GGT7: variants seen among roughly 807,000 people sequenced by gnomAD.
GGT7 encodes glutathione hydrolase 7.
In GGT7, 30 loss-of-function variants were observed where a neutral mutation model predicts 69.2. The ratio of observed to expected loss-of-function variants is 0.43; its 90% CI spans 0.32 to 0.59. The LOEUF is 0.59. GGT7 is among the 20% of genes least tolerant of loss of function. GGT7 has a pLI of 0.05. For missense variants in GGT7, 733 were observed against 901.1 expected, an observed-to-expected ratio of 0.81 and a Z score of 2.39; for synonymous variants, 388 against 391.8, an observed-to-expected ratio of 0.99 and a Z score of 0.12.
intron 1 of GGT7, among the ~76,000 whole-genome samples, chr20:34,865,481 C>T (rs1601244703): frequency 1.3e-5 from 2 of 152,232 alleles, no homozygotes; most frequent in African/African-American, 2.4e-5. Context: ...TGAGCCACTG[C>T]GCCCGGCCTG....
chr20:34,855,883 C>T (rs540091392), intron 8 of GGT7, among the ~76,000 whole-genome samples: 1 of 151,722 alleles, frequency 6.6e-6, no homozygotes, highest in East Asian at 1.9e-4. Context: ...CAGCCTTGAC[C>T]TCCCAGGCTC....
Position 34,865,386 on chromosome 20 carries a change from C to T in GGT7, c.170-1838G>A, listed in dbSNP as rs532328027. Among the ~76,000 whole-genome samples, 84 of 152,036 alleles carry T rather than the reference C, an allele frequency of 5.5e-4. No homozygotes were observed. The South Asian group carries it at 0.017, about 31-fold the overall frequency. On this transcript the variant is annotated intron_variant, in intron 1 of 14. Coordinates refer to ENST00000336431, the MANE Select transcript of GGT7 (RefSeq NM_178026.3). ...TGTATTTTTTGTAGAGATGGGATTT[C>T]GCCATGTTGCCCAGGCTGGTCTCAA...
Position 34,845,115 on chromosome 20 carries a change from C to CCACCAT in GGT7, c.*212_*213insATGGTG, listed in dbSNP as rs1254528958. 6.9e-6 allele frequency: 2 copies of CCACCAT among 288,322 alleles called. No homozygotes were observed. The highest frequency in any genetic ancestry group is 1.4e-5 in the Non-Finnish European group (2 of 145,416). 17.9% of individuals were successfully genotyped at this position (288,322 alleles called of 1,614,324 possible). A position where few individuals can be genotyped will look rare whatever the true frequency, so the allele number is the denominator to read the frequency against. ...GCTGTACTGTAGATGCTGACACTCA[C>CCACCAT]CACCACCACCACCACCACCACCACC... On this transcript the variant is annotated 3_prime_UTR_variant, in exon 15 of 15. Transcript: ENST00000336431.
intron 1 of GGT7, chr20:34,872,078 C>G (rs375608736): frequency 2.0e-5 from 3 of 152,244 alleles, no homozygotes; most frequent in African/African-American, 7.2e-5. Flanking sequence ...AGAGTGAAGG[C>G]GTTCTAGTCC....
At chr20:34,851,419 C>T (rs776008502) in intron 12 of GGT7, 51 bp from the exon 13 acceptor site, 89 of 1,550,500 alleles carry the variant, frequency 5.7e-5, no homozygotes, top group Non-Finnish European at 7.1e-5. Flanking sequence ...GGGACAAGAC[C>T]GGGAAAGGGC....
intron 1 of GGT7, among the ~76,000 whole-genome samples, chr20:34,869,145 A>AAAAT (rs1300410526): frequency 2.2e-4 from 33 of 150,672 alleles, no homozygotes; most frequent in South Asian, 6.2e-4. Context: ...GAGAATCACT[A>AAAAT]AAATAAATAA....
intron 12 of GGT7, among the ~76,000 whole-genome samples, chr20:34,851,840 G>A (rs1465345177): frequency 1.3e-5 from 2 of 152,214 alleles, no homozygotes; most frequent in East Asian, 1.9e-4. Flanking sequence ...GTCACAGACC[G>A]CTAGTGCTGG....
In GGT7 at chr20:34,863,473, C is replaced by G. The variant is rs887863035; in HGVS notation, c.245G>C (p.Gly82Ala). 5 of 1,609,530 alleles carry G rather than the reference C, an allele frequency of 3.1e-6. No individual in the cohort carries two copies. Among genetic ancestry groups the G allele is most frequent in the Non-Finnish European group, 4.2e-6 (5 of 1,178,512 alleles). ...TTTGCGCGTCTCGCGTAGCGGCGAC[C>G]CGTCTTGGCTGCCCATCTCCGACGA... ...SSSSEMGSQD[G>A]SPLRETRKDP... The change falls in exon 2 of 15, where the codon GGG (glycine) becomes GCG (alanine). Residue 82 changes from glycine (G) to alanine (A), a missense_variant. Coordinates refer to ENST00000336431, the MANE Select transcript of GGT7 (RefSeq NM_178026.3). This position sits in a 1 kb window ranked among gnomAD's most constrained non-coding sequence, Gnocchi z 4.4.
chr20:34,869,601 G>A (rs966195994), intron 1 of GGT7, among the ~76,000 whole-genome samples: 3 of 152,166 alleles, frequency 2.0e-5, no homozygotes, highest in African/African-American at 2.4e-5. Context: ...TGATAAGAGA[G>A]GTTGGTGGCT....
chr20:34,859,124 C>T (rs530874470), intron 7 of GGT7, among the ~76,000 whole-genome samples: 77 of 151,422 alleles, frequency 5.1e-4, no homozygotes, highest in African/African-American at 1.5e-3. Flanking sequence ...GAGCCAAGAT[C>T]GCACCACTGC....
At chr20:34,851,033 G>A in intron 13 of GGT7, 198 bp downstream of exon 13, 2 of 680,910 alleles carry the variant, frequency 2.9e-6, no homozygotes, top group Non-Finnish European at 5.2e-6. Flanking sequence ...AAGACAGGGA[G>A]CATCAGGGCT....
intron 3 of GGT7, 88 bp from the exon 4 acceptor site, chr20:34,861,650 G>C (rs2079598450): frequency 2.6e-6 from 2 of 777,676 alleles, no homozygotes; most frequent in Non-Finnish European, 3.8e-6. Flanking sequence ...CCAGTGGTGA[G>C]AGCTGTAGGC....
intron 1 of GGT7, 158 bp downstream of exon 1, chr20:34,872,489 C>T: frequency 1.9e-6 from 1 of 537,596 alleles, no homozygotes; most frequent in Non-Finnish European, 3.0e-6. Flanking sequence ...CACCCCCTTC[C>T]TCACCAAATA....
chr20:34,856,936 C>T (rs1568934946), intron 7 of GGT7, 43 bp from the exon 8 acceptor site: 1 of 1,260,286 alleles, frequency 7.9e-7, no homozygotes, highest in South Asian at 1.2e-5. Flanking sequence ...ACCACTGTGA[C>T]ATGGTGGTTT....
intron 1 of GGT7, among the ~76,000 whole-genome samples, chr20:34,869,642 A>C (rs2079749013): frequency 6.6e-6 from 1 of 152,134 alleles, no homozygotes; most frequent in South Asian, 2.1e-4. Flanking sequence ...AGGGATGATG[A>C]GTAGGAATTT....
Position 34,851,216 on chromosome 20 carries a change from T to C in GGT7, c.1725+15A>G, listed in dbSNP as rs1396964496. ...GCTCCCGGCTGAAAAAGGCCAACCATGGCGTAAACCTCACCTGTGTCAGGC... is the reference window on the plus strand; with the variant it reads ...GCTCCCGGCTGAAAAAGGCCAACCACGGCGTAAACCTCACCTGTGTCAGGC... On this transcript the variant is annotated intron_variant, in intron 13 of 14. Coordinates refer to ENST00000336431, the MANE Select transcript of GGT7 (RefSeq NM_178026.3). The C allele has an allele frequency of 3.7e-6, 6 of 1,612,300 alleles. No homozygotes were observed. The East Asian group carries it at 1.3e-4, about 36-fold the overall frequency.
chr20:34,872,600 C>T, intron 1 of GGT7, 47 bp downstream of exon 1: 1 of 1,322,056 alleles, frequency 7.6e-7, no homozygotes, highest in Non-Finnish European at 9.9e-7. Context: ...AGAAGGAAGA[C>T]CGGGGACTTC....
chr20:34,853,764 C>T (rs6120744), intron 10 of GGT7, among the ~76,000 whole-genome samples: 1 of 152,150 alleles, frequency 6.6e-6, no homozygotes, highest in Admixed American at 6.6e-5. Flanking sequence ...GTCAAGCCCC[C>T]TTGTAGAAAC....
At position 34,851,297 on chromosome 20, in the gene GGT7, C is replaced by T; in HGVS notation, c.1659G>A (p.Gly553=). 6.2e-7 allele frequency: 1 copy of T among 1,613,946 alleles called. No individual in the cohort carries two copies. ...LLPTVVRPAE[G]LCGTYLALGA... is the part of the protein sequence containing the mutation. ...CCAGAGCGAGGTAGGTTCCACAGAG[C>T]CCCTCCGCGGGTCGGACCACTGTGG... Residue 553 remains glycine, a synonymous_variant, in exon 13 of 15, where the codon GGG becomes GGA. Transcript: ENST00000336431.
Sources: gnomAD v4.1 joint callset for allele counts (sites outside exome capture counted in the v4.1 genomes callset) on GRCh38, gnomAD v4.1.1 for gene constraint, Gnocchi (gnomAD v3.1) non-coding constraint, MANE v1.5 for transcripts, NCBI Gene and HGNC (gene_info 2026-07-23, HGNC 2026-07-21) for gene names.